MDGA2: variants seen among roughly 807,000 people sequenced by gnomAD.
The protein encoded by MDGA2 is MAM domain-containing glycosylphosphatidylinositol anchor protein 2.
In MDGA2, 40 loss-of-function variants were observed where a neutral mutation model predicts 117.8. That is an observed-to-expected ratio of 0.34 (90% confidence interval 0.26 to 0.44). The LOEUF is 0.44. Ranked by LOEUF, MDGA2 falls within the 20% of genes least tolerant of loss-of-function variation. MDGA2 has a pLI of 1.00. For synonymous variants in MDGA2, 452 were observed against 439.0 expected (o/e 1.03, Z -0.37); for missense variants, 1,123 against 1,250.6 (o/e 0.90, Z 1.54).
At chr14:47,581,624 T>C (rs1896229782) in intron 1 of MDGA2, among the ~76,000 whole-genome samples, 1 of 151,974 alleles carries the variant, frequency 6.6e-6, no homozygotes, top group Non-Finnish European at 1.5e-5. Flanking sequence ...AACCAGAACC[T>C]GAGCAGAGGT....
At chr14:47,651,134 A>G (rs1897632436) in intron 1 of MDGA2, among the ~76,000 whole-genome samples, 1 of 151,966 alleles carries the variant, frequency 6.6e-6, no homozygotes, top group African/African-American at 2.4e-5. Context: ...CTGTTTCATT[A>G]TATGTCATTT....
chr14:47,004,837 T>C (rs1887655746), intron 8 of MDGA2, among the ~76,000 whole-genome samples: 2 of 151,668 alleles, frequency 1.3e-5, no homozygotes, highest in Non-Finnish European at 3.0e-5. Flanking sequence ...GCATCACATT[T>C]TAAATGTTTT....
At chr14:47,622,897 G>A (rs1897075791) in intron 1 of MDGA2, among the ~76,000 whole-genome samples, 1 of 152,160 alleles carries the variant, frequency 6.6e-6, no homozygotes, top group South Asian at 2.1e-4. Flanking sequence ...TGTGGATGTT[G>A]ACCAGGGTGT....
chr14:47,117,763 TGAA>T (rs1881412601), intron 5 of MDGA2, among the ~76,000 whole-genome samples: 1 of 151,952 alleles, frequency 6.6e-6, no homozygotes, highest in Non-Finnish European at 1.5e-5. Context: ...AGGAGGGAAA[TGAA>T]GAGTTACTAA....
At chr14:46,850,142 C>A (rs1881001866) in intron 15 of MDGA2, among the ~76,000 whole-genome samples, 1 of 151,816 alleles carries the variant, frequency 6.6e-6, no homozygotes, top group African/African-American at 2.4e-5. Flanking sequence ...TAAGTAAATT[C>A]AAACGGGAAT....
chr14:47,136,576 C>G (rs527308191), intron 4 of MDGA2, among the ~76,000 whole-genome samples: 1 of 152,112 alleles, frequency 6.6e-6, no homozygotes, highest in Non-Finnish European at 1.5e-5. Context: ...ACGTATTCTC[C>G]TTTACTTTTT....
chr14:47,360,170 G>A (rs994038684), intron 1 of MDGA2, among the ~76,000 whole-genome samples: 1 of 151,876 alleles, frequency 6.6e-6, no homozygotes, highest in Non-Finnish European at 1.5e-5. Flanking sequence ...TGACCAACAT[G>A]GAGAAACCCC....
At chr14:47,107,361 C>A (rs1240332217) in intron 5 of MDGA2, among the ~76,000 whole-genome samples, 3 of 152,066 alleles carry the variant, frequency 2.0e-5, no homozygotes, top group Non-Finnish European at 4.4e-5. Context: ...CTATAAACCC[C>A]GTGGTGCCAA....
At chr14:46,889,546 G>A (rs140547893) in intron 10 of MDGA2, among the ~76,000 whole-genome samples, 10 of 152,142 alleles carry the variant, frequency 6.6e-5, no homozygotes, top group East Asian at 1.9e-4. Flanking sequence ...GTGTTCTAGC[G>A]TCTAGCATGC....
chr14:47,168,772 C>T (rs544560948), intron 3 of MDGA2, among the ~76,000 whole-genome samples: 75 of 152,082 alleles, frequency 4.9e-4, no homozygotes, highest in African/African-American at 1.7e-3. Flanking sequence ...ATTAAAGAAG[C>T]TGAAATTTCA....
At chr14:46,911,409 C>G (rs1482821109) in intron 10 of MDGA2, among the ~76,000 whole-genome samples, 1 of 152,166 alleles carries the variant, frequency 6.6e-6, no homozygotes, top group East Asian at 1.9e-4. Flanking sequence ...TCATGTCAAA[C>G]ATTTATTATT....
At chr14:46,939,075 T>C (rs1884897951) in intron 9 of MDGA2, among the ~76,000 whole-genome samples, 1 of 152,116 alleles carries the variant, frequency 6.6e-6, no homozygotes, top group African/African-American at 2.4e-5. Flanking sequence ...ATCTCATAAA[T>C]GTAAAGGGTA....
chr14:47,221,541 A>G (rs899250218), intron 2 of MDGA2, among the ~76,000 whole-genome samples: 25 of 152,136 alleles, frequency 1.6e-4, no homozygotes, highest in Non-Finnish European at 2.8e-4. Flanking sequence ...ACAAAAAATT[A>G]GCCGGGAGTG....
chr14:47,147,420 A>G (rs1882985282), intron 3 of MDGA2, among the ~76,000 whole-genome samples: 1 of 152,188 alleles, frequency 6.6e-6, no homozygotes, highest in African/African-American at 2.4e-5. Flanking sequence ...AAAAGGTCTC[A>G]GTAGCTTTGC....
intron 15 of MDGA2, 99 bp from the exon 16 acceptor site, chr14:46,845,970 C>A (rs1594990328): frequency 1.2e-6 from 1 of 818,980 alleles, no homozygotes; most frequent in Non-Finnish European, 2.0e-6. Context: ...TGTCAGTAAT[C>A]CTGGCATCTT....
At chr14:46,990,093 G>A (rs1887027441) in intron 8 of MDGA2, among the ~76,000 whole-genome samples, 1 of 152,092 alleles carries the variant, frequency 6.6e-6, no homozygotes, top group African/African-American at 2.4e-5. Flanking sequence ...TGTTAGACAT[G>A]TGACCTTGAA....
intron 1 of MDGA2, among the ~76,000 whole-genome samples, chr14:47,558,126 T>C (rs1299413722): frequency 6.6e-6 from 1 of 152,170 alleles, no homozygotes; most frequent in Non-Finnish European, 1.5e-5. Context: ...ACTGACACCA[T>C]AATGCCAGAG....
chr14:46,878,936 T>C (rs117604425), intron 11 of MDGA2, among the ~76,000 whole-genome samples: 3 of 152,098 alleles, frequency 2.0e-5, no homozygotes, highest in African/African-American at 4.8e-5. Context: ...AAATTCACTA[T>C]ACATAATGCA....
rs536803502 is a variant in MDGA2, at chr14:47,218,233, G to C, written c.421-38C>G. On this transcript the variant is annotated intron_variant, in intron 2 of 16. Transcript: ENST00000399232. ...CAACAAAGATTGTTACTTTAGGTTG[G>C]TTTTCCCACAGAGAAATCAAATAGC... The C allele has an allele frequency of 1.5e-5, 21 of 1,436,198 alleles. No individual in the cohort carries two copies. In the South Asian group the frequency reaches 3.1e-4, roughly 21 times the overall value. 89.0% of individuals were successfully genotyped at this position (1,436,198 alleles called of 1,614,324 possible). A position where few individuals can be genotyped will look rare whatever the true frequency, so the allele number is the denominator to read the frequency against.
Sources: gnomAD v4.1 joint callset for allele counts (sites outside exome capture counted in the v4.1 genomes callset) on GRCh38, gnomAD v4.1.1 for gene constraint, MANE v1.5 for transcripts, NCBI Gene and HGNC (gene_info 2026-07-23, HGNC 2026-07-21) for gene names.